The following ULK4 variants were observed in gnomAD, a reference collection of about 807,000 sequenced individuals.
The protein encoded by ULK4 is inactive serine/threonine-protein kinase ULK4.
Under a neutral mutation model 160.6 loss-of-function variants are expected in ULK4, and 133 were observed. That is an observed-to-expected ratio of 0.83 (90% CI 0.72 to 0.96). The LOEUF is 0.96. Among genes scored for constraint, ULK4 ranks in the 40% least tolerant of loss-of-function variants. The pLI, the probability that ULK4 is intolerant of heterozygous loss-of-function variation, is 0.00. For synonymous variants in ULK4, 534 were observed against 539.8 expected, an observed-to-expected ratio of 0.99 and a Z score of 0.15; for missense variants, 1,580 against 1,499.5, an observed-to-expected ratio of 1.05 and a Z score of -0.89.
chr3:41,447,661 G>A (rs571434382), intron 34 of ULK4, among the ~76,000 whole-genome samples: 11 of 152,134 alleles, frequency 7.2e-5, no homozygotes, highest in African/African-American at 2.2e-4. Flanking sequence ...CAGAGGCTTC[G>A]TGCTCACCAA....
At position 41,782,091 on chromosome 3, in the gene ULK4, G is replaced by A. The variant is rs187536665; in HGVS notation, c.2193+7570C>T. Among the ~76,000 whole-genome samples the A allele has an allele frequency of 6.6e-3, 999 of 151,532 alleles. 9 individuals carry two copies. The highest frequency in any genetic ancestry group is 0.023 in the African/African-American group (965 of 41,288). On this transcript the variant is annotated intron_variant, in intron 21 of 36. Coordinates refer to ENST00000301831, the MANE Select transcript of ULK4 (RefSeq NM_017886.4). ...ATGCACACATCCCTTGATAACTGGG[G>A]CTGCCTCGCCATTATTCTCACAGTA... is the stretch of plus-strand genomic sequence containing the variant.
chr3:41,410,871 T>C (rs2082396274), intron 34 of ULK4, among the ~76,000 whole-genome samples: 1 of 152,208 alleles, frequency 6.6e-6, no homozygotes, highest in South Asian at 2.1e-4. Flanking sequence ...TGTCTTTGTC[T>C]CTACGTGGCT....
chr3:41,754,729 T>C (rs1483787340), intron 21 of ULK4, among the ~76,000 whole-genome samples: 2 of 152,174 alleles, frequency 1.3e-5, no homozygotes, highest in Non-Finnish European at 2.9e-5. Context: ...GAAAAATGAA[T>C]ATGGAAAAAT....
chr3:41,477,573 G>A (rs752239139), intron 32 of ULK4, among the ~76,000 whole-genome samples: 5 of 152,166 alleles, frequency 3.3e-5, no homozygotes, highest in South Asian at 2.1e-4. Flanking sequence ...AATTCAATGT[G>A]GGGACATAAT....
intron 35 of ULK4, among the ~76,000 whole-genome samples, chr3:41,271,673 C>T (rs141624658): frequency 1.4e-3 from 214 of 151,778 alleles, no homozygotes; most frequent in African/African-American, 5.0e-3. Flanking sequence ...GGATTACAGG[C>T]GTGAGCCACT....
At chr3:41,646,791 C>T (rs1462520305) in intron 30 of ULK4, among the ~76,000 whole-genome samples, 1 of 152,188 alleles carries the variant, frequency 6.6e-6, no homozygotes, top group Non-Finnish European at 1.5e-5. Flanking sequence ...AGAGTGTTTT[C>T]CAACTTGGTT....
At chr3:41,920,532 G>A (rs1699147253) in intron 5 of ULK4, among the ~76,000 whole-genome samples, 1 of 152,084 alleles carries the variant, frequency 6.6e-6, no homozygotes, top group African/African-American at 2.4e-5. Flanking sequence ...AAGCTTTAGA[G>A]GGATACTTAA....
At chr3:41,622,959 G>A (rs559023940) in intron 30 of ULK4, among the ~76,000 whole-genome samples, 2 of 152,162 alleles carry the variant, frequency 1.3e-5, no homozygotes, top group African/African-American at 2.4e-5. Context: ...AATAAACATG[G>A]GTGTGTTCCA....
intron 2 of ULK4, among the ~76,000 whole-genome samples, chr3:41,942,918 T>G (rs1700002705): frequency 6.6e-6 from 1 of 151,528 alleles, no homozygotes; most frequent in Non-Finnish European, 1.5e-5. Context: ...TTTAGAAATA[T>G]ATTACCAAAG....
intron 34 of ULK4, among the ~76,000 whole-genome samples, chr3:41,417,488 G>T (rs1575533877): frequency 6.6e-6 from 1 of 152,154 alleles, no homozygotes; most frequent in Admixed American, 6.5e-5. Flanking sequence ...CTCACAGAAG[G>T]CTGGGGTTAG....
At chr3:41,853,918 T>G (rs1257625129) in intron 17 of ULK4, among the ~76,000 whole-genome samples, 1 of 152,220 alleles carries the variant, frequency 6.6e-6, no homozygotes, top group Non-Finnish European at 1.5e-5. Context: ...CACATGCATG[T>G]GACCCCCCTT....
intron 35 of ULK4, chr3:41,277,939 G>A (rs373405587): frequency 6.6e-6 from 1 of 152,312 alleles, no homozygotes; most frequent in East Asian, 1.9e-4. Flanking sequence ...TCTTCTCATG[G>A]GATGCACATG....
At chr3:41,705,744 C>T (rs902978366) in intron 25 of ULK4, among the ~76,000 whole-genome samples, 1 of 152,130 alleles carries the variant, frequency 6.6e-6, no homozygotes. Context: ...GTCCACCTGC[C>T]TCGGCCTCCC....
At chr3:41,788,779 C>A (rs1017283542) in intron 21 of ULK4, among the ~76,000 whole-genome samples, 1 of 152,038 alleles carries the variant, frequency 6.6e-6, no homozygotes, top group African/African-American at 2.4e-5. Context: ...AATCACAATA[C>A]ACATTAGCAT....
chr3:41,512,734 C>T (rs577516832), intron 32 of ULK4, among the ~76,000 whole-genome samples: 5 of 152,128 alleles, frequency 3.3e-5, no homozygotes, highest in South Asian at 2.1e-4. Flanking sequence ...AATTCCTCAT[C>T]GAAATACCAC....
intron 20 of ULK4, among the ~76,000 whole-genome samples, chr3:41,796,970 C>G (rs2040317903): frequency 6.6e-6 from 1 of 152,110 alleles, no homozygotes. Flanking sequence ...TTGAAGGGAT[C>G]CCACTCGCCA....
chr3:41,374,891 TC>T (rs2081449430), intron 35 of ULK4, among the ~76,000 whole-genome samples: 2 of 152,198 alleles, frequency 1.3e-5, no homozygotes, highest in Non-Finnish European at 2.9e-5. Flanking sequence ...GAAAACTTCA[TC>T]GTCTCAGCTC....
intron 4 of ULK4, among the ~76,000 whole-genome samples, chr3:41,935,247 A>G: frequency 9.2e-6 from 1 of 108,646 alleles, no homozygotes. Context: ...TTTTTTTTTG[A>G]GACGGAGTCT....
chr3:41,781,803 G>A (rs1230362233), intron 21 of ULK4, among the ~76,000 whole-genome samples: 1 of 152,068 alleles, frequency 6.6e-6, no homozygotes, highest in Non-Finnish European at 1.5e-5. Context: ...GCTAGGCGTG[G>A]TGCCAGGCAC....
Sources: gnomAD v4.1 joint callset for allele counts (sites outside exome capture counted in the v4.1 genomes callset) on GRCh38, gnomAD v4.1.1 for gene constraint, MANE v1.5 for transcripts, NCBI Gene and HGNC (gene_info 2026-07-23, HGNC 2026-07-21) for gene names.